FAR1: variants seen among roughly 807,000 people sequenced by gnomAD.
FAR1 encodes male sterility domain-containing protein 2.
A neutral mutation model predicts 61.1 loss-of-function variants in FAR1; 22 were observed. That is an observed-to-expected ratio of 0.36 (90% CI 0.26 to 0.51). FAR1 has a LOEUF of 0.51. Ranked by LOEUF, FAR1 falls within the 20% of genes least tolerant of loss-of-function variation. The pLI, the probability that FAR1 is intolerant of heterozygous loss-of-function variation, is 0.95. For missense variants in FAR1, 359 were observed against 626.9 expected (o/e 0.57, Z 4.56); for synonymous variants, 206 against 209.7 (o/e 0.98, Z 0.15).
chr11:13,708,183 G>T, intron 4 of FAR1, 104 bp downstream of exon 4: 1 of 715,458 alleles, frequency 1.4e-6, no homozygotes, highest in Admixed American at 3.3e-5. Context: ...CCAACATAGT[G>T]AAACCCCATC....
At chr11:13,675,142 A>G (rs1003610934) in intron 1 of FAR1, among the ~76,000 whole-genome samples, 1 of 151,216 alleles carries the variant, frequency 6.6e-6, no homozygotes, top group South Asian at 2.1e-4. Flanking sequence ...AAATTTGTTC[A>G]TATAAATATA....
intron 1 of FAR1, among the ~76,000 whole-genome samples, chr11:13,694,252 C>T (rs188313333): frequency 6.6e-6 from 1 of 152,058 alleles, no homozygotes; most frequent in African/African-American, 2.4e-5. Context: ...CTAAGAGACA[C>T]GTAGTAGAAA....
Position 13,732,025 on chromosome 11 carries a change from C to G in FAR1, c.*3251C>G, listed in dbSNP as rs1848732133. On this transcript the variant is annotated 3_prime_UTR_variant, in exon 12 of 12. Coordinates refer to ENST00000354817, the MANE Select transcript of FAR1 (RefSeq NM_032228.6). ...TTGAAACCATTAGCGCTAACTTGCTCTGTTTTGAGAAAAACTTTCCAAACT... is the reference window on the plus strand; with the variant it reads ...TTGAAACCATTAGCGCTAACTTGCTGTGTTTTGAGAAAAACTTTCCAAACT... The G allele has an allele frequency of 6.6e-6, 1 of 151,840 alleles. No individual in the cohort carries two copies. Among genetic ancestry groups the G allele is most frequent in the Non-Finnish European group, 1.5e-5 (1 of 67,984 alleles). 9.4% of individuals were successfully genotyped at this position (151,840 alleles called of 1,614,324 possible).
chr11:13,674,793 A>G (rs1461993408), intron 1 of FAR1, among the ~76,000 whole-genome samples: 1 of 152,198 alleles, frequency 6.6e-6, no homozygotes, highest in Non-Finnish European at 1.5e-5. Flanking sequence ...AAGTAGTTCT[A>G]CCTAAAGAAT....
chr11:13,687,846 C>T (rs1457810974), intron 1 of FAR1, among the ~76,000 whole-genome samples: 2 of 150,400 alleles, frequency 1.3e-5, no homozygotes, highest in Admixed American at 1.3e-4. Flanking sequence ...AGCAAACTAT[C>T]GCAAGGACAA....
At chr11:13,683,230 T>C (rs567408239) in intron 1 of FAR1, among the ~76,000 whole-genome samples, 2 of 152,052 alleles carry the variant, frequency 1.3e-5, no homozygotes, top group East Asian at 3.9e-4. Context: ...TCATCTCTAC[T>C]AAAAATACAA....
At chr11:13,690,617 C>T (rs369628181) in intron 1 of FAR1, among the ~76,000 whole-genome samples, 21 of 152,118 alleles carry the variant, frequency 1.4e-4, no homozygotes, top group East Asian at 9.6e-4. Flanking sequence ...TCTTCTTGTC[C>T]CAATACCACA....
At chr11:13,697,048 GT>G (rs1433641521) in intron 2 of FAR1, among the ~76,000 whole-genome samples, 5 of 152,144 alleles carry the variant, frequency 3.3e-5, no homozygotes, top group African/African-American at 9.7e-5. Flanking sequence ...AACCAAAAAT[GT>G]TTTTAGACAT....
At chr11:13,708,440 C>CGT (rs1255069799) in intron 4 of FAR1, among the ~76,000 whole-genome samples, 42 of 96,974 alleles carry the variant, frequency 4.3e-4, no homozygotes, top group African/African-American at 1.3e-3. Context: ...CATGTGCGCG[C>CGT]GCGCGCGCAC....
chr11:13,703,547 C>T (rs1848399254), intron 3 of FAR1, among the ~76,000 whole-genome samples: 1 of 152,176 alleles, frequency 6.6e-6, no homozygotes, highest in African/African-American at 2.4e-5. Flanking sequence ...TTGCAAAGTG[C>T]ATATGGTCTA....
At chr11:13,704,360 A>G (rs1023492311) in intron 3 of FAR1, among the ~76,000 whole-genome samples, 1 of 152,168 alleles carries the variant, frequency 6.6e-6, no homozygotes, top group African/African-American at 2.4e-5. Flanking sequence ...TGAATATGAA[A>G]GATTTTCAGA....
intron 3 of FAR1, among the ~76,000 whole-genome samples, chr11:13,700,758 A>C (rs1591263648): frequency 6.6e-6 from 1 of 152,244 alleles, no homozygotes; most frequent in African/African-American, 2.4e-5. Flanking sequence ...AGTGGAGTAG[A>C]AGAAAACTTA....
intron 9 of FAR1, 35 bp downstream of exon 9, chr11:13,714,715 T>A: frequency 6.4e-7 from 1 of 1,565,342 alleles, no homozygotes; most frequent in Non-Finnish European, 8.6e-7. Context: ...TCTGTTCCTC[T>A]GTTAAACAAC....
intron 10 of FAR1, chr11:13,723,381 AAAC>A: frequency 2.4e-6 from 1 of 417,250 alleles, no homozygotes; most frequent in African/African-American, 2.1e-5. Flanking sequence ...AAAAAAAAAA[AAAC>A]CCCAAAAAAA....
intron 2 of FAR1, among the ~76,000 whole-genome samples, chr11:13,695,910 T>C (rs951812282): frequency 1.9e-4 from 29 of 152,216 alleles, no homozygotes; most frequent in Non-Finnish European, 8.8e-5. Context: ...TGTAAGATTC[T>C]TTCTTAGAAG....
intron 11 of FAR1, among the ~76,000 whole-genome samples, chr11:13,728,299 T>C (rs1018238300): frequency 2.0e-5 from 3 of 151,878 alleles, no homozygotes; most frequent in African/African-American, 7.2e-5. Flanking sequence ...ATCTTGTGAC[T>C]GTCACCTGTA....
intron 1 of FAR1, among the ~76,000 whole-genome samples, chr11:13,672,692 A>G (rs368714589): frequency 6.6e-6 from 1 of 152,290 alleles, no homozygotes; most frequent in Non-Finnish European, 1.5e-5. Context: ...CCTACTTGGT[A>G]AGAGCCACCT....
intron 1 of FAR1, among the ~76,000 whole-genome samples, chr11:13,680,603 C>T (rs1355676510): frequency 6.6e-6 from 1 of 152,090 alleles, no homozygotes; most frequent in African/African-American, 2.4e-5. Flanking sequence ...GCAGGCATCA[C>T]ACAGTGAGAG....
At position 13,698,408 on chromosome 11, in the gene FAR1, A is replaced by G. The variant is rs79269012; in HGVS notation, c.190-1909A>G. 3.9e-3 allele frequency among the ~76,000 whole-genome samples: 587 copies of G among 152,234 alleles called. 1 individual carries two copies. The highest frequency in any genetic ancestry group is 0.013 in the African/African-American group (551 of 41,542). ...TCCTGAATGTTACATCCTGAATCTCATTGCCGTTATTTTGATTCAGACAAG... is the reference window on the plus strand; with the variant it reads ...TCCTGAATGTTACATCCTGAATCTCGTTGCCGTTATTTTGATTCAGACAAG... On this transcript the variant is annotated intron_variant, in intron 2 of 11. Transcript: ENST00000354817.
Sources: allele counts gnomAD v4.1 joint callset (sites outside exome capture counted in the v4.1 genomes callset), GRCh38; gene constraint gnomAD v4.1.1; transcripts MANE v1.5; gene names NCBI Gene and HGNC (gene_info 2026-07-23, HGNC 2026-07-21).